The following XKR5 variants were observed in gnomAD, a reference collection of about 807,000 sequenced individuals.
XKR5 encodes the protein XK-related protein 5.
A neutral mutation model predicts 40.8 loss-of-function variants in XKR5; 46 were observed. The ratio of observed to expected loss-of-function variants is 1.13; its 90% CI spans 0.89 to 1.44. The LOEUF (loss-of-function observed/expected upper bound fraction) is 1.44, where lower values mean the gene tolerates loss of function less well. Ranked by LOEUF, XKR5 falls within the 40% of genes most tolerant of loss-of-function variation. The pLI, the probability that XKR5 is intolerant of heterozygous loss-of-function variation, is 0.00. For missense variants in XKR5, 1,169 were observed against 844.7 expected, an observed-to-expected ratio of 1.38 and a Z score of -4.76; for synonymous variants, 466 against 356.1, an observed-to-expected ratio of 1.31 and a Z score of -3.48.
intron 1 of XKR5, among the ~76,000 whole-genome samples, chr8:6,834,498 T>G (rs573053206): frequency 1.3e-5 from 2 of 152,040 alleles, no homozygotes; most frequent in Non-Finnish European, 2.9e-5. Context: ...ACACCTGGGG[T>G]GGGTGCCGAC....
intron 5 of XKR5, among the ~76,000 whole-genome samples, chr8:6,817,081 T>G (rs1803991898): frequency 6.6e-6 from 1 of 152,178 alleles, no homozygotes; most frequent in Non-Finnish European, 1.5e-5. Context: ...TTGTCCCAAC[T>G]CCGTCACCTG....
At chr8:6,827,931 A>G (rs1804589466) in intron 2 of XKR5, among the ~76,000 whole-genome samples, 1 of 152,080 alleles carries the variant, frequency 6.6e-6, no homozygotes, top group Non-Finnish European at 1.5e-5. Context: ...GAGCTGGGAT[A>G]GTGGTGGGTG....
chr8:6,832,504 G>A (rs1170530555), intron 2 of XKR5, among the ~76,000 whole-genome samples: 1 of 152,224 alleles, frequency 6.6e-6, no homozygotes, highest in Non-Finnish European at 1.5e-5. Context: ...CAGCTTCACA[G>A]AGAAAGAGCC....
intron 5 of XKR5, among the ~76,000 whole-genome samples, chr8:6,818,681 A>G (rs1587168867): frequency 6.6e-6 from 1 of 152,306 alleles, no homozygotes; most frequent in East Asian, 1.9e-4. Context: ...GGTTGCAGTC[A>G]CACCTACTGA....
chr8:6,823,826 G>A (rs1804348046), intron 3 of XKR5, 96 bp from the exon 4 acceptor site: 1 of 1,066,830 alleles, frequency 9.4e-7, no homozygotes, highest in Non-Finnish European at 1.4e-6. Flanking sequence ...AATGGGATGT[G>A]TAACCTCTTG....
chr8:6,833,610 G>A (rs557393750), intron 1 of XKR5, among the ~76,000 whole-genome samples: 3 of 152,342 alleles, frequency 2.0e-5, no homozygotes, highest in East Asian at 3.9e-4. Flanking sequence ...AGCTACTCGG[G>A]ATGGATGAGG....
chr8:6,825,770 A>C (rs924708436), intron 2 of XKR5, among the ~76,000 whole-genome samples: 3 of 152,170 alleles, frequency 2.0e-5, no homozygotes, highest in African/African-American at 7.2e-5. Flanking sequence ...ATCTCTTTGA[A>C]GGACAAAAAG....
At chr8:6,831,872 G>T (rs969474903) in intron 2 of XKR5, among the ~76,000 whole-genome samples, 2 of 151,976 alleles carry the variant, frequency 1.3e-5, no homozygotes, top group East Asian at 1.9e-4. Flanking sequence ...AAAATTAGCC[G>T]GGCATGGTGG....
Position 6,821,972 on chromosome 8 carries a change from C to T in XKR5, c.704G>A (p.Cys235Tyr). The T allele has an allele frequency of 6.2e-7, 1 of 1,609,480 alleles. No individual in the cohort carries two copies. The highest frequency in any genetic ancestry group is 8.5e-7 in the Non-Finnish European group (1 of 1,177,830). ...AQQSDIIDST[C>Y]HWRLFNLLVG... ...GAGCAGGTTGAACAGCCTCCAGTGGCAGGTGCTGTCGATGATGTCACTCTG... is the reference window on the plus strand; with the variant it reads ...GAGCAGGTTGAACAGCCTCCAGTGGTAGGTGCTGTCGATGATGTCACTCTG... Residue 235 changes from cysteine to tyrosine, a missense_variant, in exon 5 of 7, where the codon TGC (cysteine) becomes TAC (tyrosine). By Grantham distance (194) the Cys-to-Tyr change is radical. Transcript: ENST00000618742.
rs770480018 is a variant in XKR5, at chr8:6,825,360, G to A, written c.243-11C>T. The A allele has an allele frequency of 1.3e-6, 2 of 1,526,242 alleles. No homozygotes were observed. Among genetic ancestry groups the A allele is most frequent in the Non-Finnish European group, 8.8e-7 (1 of 1,142,166 alleles). The allele number at this position is 1,526,242 out of a possible 1,614,324, so 94.5% of individuals were successfully genotyped here. On this transcript the variant is annotated splice_polypyrimidine_tract_variant and intron_variant, in intron 2 of 6. Coordinates refer to ENST00000618742, the MANE Select transcript of XKR5 (RefSeq NM_207411.5). ...GCAGCGTCCCAGTGCCTAGGGAACA[G>A]CAGAGGGCACGTGACACGGAGCCAG...
In XKR5 at chr8:6,811,579, T is replaced by C; in HGVS notation, c.1680A>G (p.Pro560=). ...CAGAGTGGGCCGTTTGCAGAGTAGCTGGGCTGCCTTCTTGTTGTGAGGATG... is the reference window on the plus strand; with the variant it reads ...CAGAGTGGGCCGTTTGCAGAGTAGCCGGGCTGCCTTCTTGTTGTGAGGATG... ...VATSSQQEGS[P]ATLQTAHSGR... The change falls in exon 7 of 7, where the codon CCA becomes CCG. Residue 560 remains proline (P), a synonymous_variant. Coordinates refer to ENST00000618742, the MANE Select transcript of XKR5 (RefSeq NM_207411.5). 6.5e-7 allele frequency: 1 copy of C among 1,537,272 alleles called. No individual in the cohort carries two copies. The highest frequency in any genetic ancestry group is 8.7e-7 in the Non-Finnish European group (1 of 1,146,856).
intron 6 of XKR5, among the ~76,000 whole-genome samples, chr8:6,815,348 C>T (rs1007028733): frequency 2.0e-5 from 3 of 152,196 alleles, no homozygotes; most frequent in African/African-American, 7.2e-5. Context: ...TCAGCTCTAT[C>T]TGTTACAAAC....
chr8:6,818,548 T>C (rs907935363), intron 5 of XKR5, among the ~76,000 whole-genome samples: 3 of 152,228 alleles, frequency 2.0e-5, no homozygotes, highest in African/African-American at 4.8e-5. Flanking sequence ...GGTCTTATAT[T>C]ACATTCAGAA....
At chr8:6,826,823 C>T (rs940752826) in intron 2 of XKR5, among the ~76,000 whole-genome samples, 1 of 151,930 alleles carries the variant, frequency 6.6e-6, no homozygotes, top group African/African-American at 2.4e-5. Context: ...GGGTGGAAGC[C>T]GAGAACCAGG....
chr8:6,827,808 T>C (rs1185801513), intron 2 of XKR5, among the ~76,000 whole-genome samples: 1 of 152,076 alleles, frequency 6.6e-6, no homozygotes, highest in Non-Finnish European at 1.5e-5. Context: ...GTAAGAGAAA[T>C]GAATCCCAGC....
chr8:6,830,094 C>G (rs552115721), intron 2 of XKR5, among the ~76,000 whole-genome samples: 1 of 152,304 alleles, frequency 6.6e-6, no homozygotes, highest in South Asian at 2.1e-4. Context: ...GCCTCGGCCT[C>G]TCAAAGTGCT....
In XKR5 at chr8:6,830,095, T is replaced by C. The variant is rs992772251; in HGVS notation, c.242+2622A>G. Among the ~76,000 whole-genome samples the C allele has an allele frequency of 7.9e-5, 12 of 151,700 alleles. No individual in the cohort carries two copies. In the East Asian group the frequency reaches 1.2e-3, roughly 15 times the overall value. On this transcript the variant is annotated intron_variant, in intron 2 of 6. Transcript: ENST00000618742. ...CTCGTGATCCGCCTGCCTCGGCCTC[T>C]CAAAGTGCTGGGATTACAGGCGTGA...
At position 6,823,474 on chromosome 8, in the gene XKR5, T is replaced by G. The variant is rs771383364; in HGVS notation, c.637+47A>C. The G allele has an allele frequency of 3.2e-5, 50 of 1,540,726 alleles. No individual in the cohort carries two copies. In the African/African-American group the frequency reaches 4.4e-4, roughly 14 times the overall value. On this transcript the variant is annotated intron_variant, in intron 4 of 6. Coordinates refer to ENST00000618742, the MANE Select transcript of XKR5 (RefSeq NM_207411.5). The stretch of plus-strand genomic sequence containing the variant: ...ATTCTTGAGACCTTCATTTCTGGGT[T>G]GATTGGTTATGCAGCAACAGATGAC...
At chr8:6,825,373 G>C (rs969016923) in intron 2 of XKR5, 24 bp from the exon 3 acceptor site, 14 of 1,503,450 alleles carry the variant, frequency 9.3e-6, no homozygotes, top group South Asian at 1.3e-5. Context: ...GAGGGCACGT[G>C]ACACGGAGCC....
Sources: allele counts gnomAD v4.1 joint callset (sites outside exome capture counted in the v4.1 genomes callset), GRCh38; gene constraint gnomAD v4.1.1; transcripts MANE v1.5; gene names NCBI Gene and HGNC (gene_info 2026-07-23, HGNC 2026-07-21).